TMEM106A: variants seen among roughly 807,000 people sequenced by gnomAD.
The protein encoded by TMEM106A is transmembrane protein 106A.
In TMEM106A, 22 loss-of-function variants were observed where a neutral mutation model predicts 25.1. The observed-to-expected ratio is 0.88, with a 90% confidence interval of 0.63 to 1.25. The LOEUF (loss-of-function observed/expected upper bound fraction) is 1.25, where lower values mean the gene tolerates loss of function less well. Among genes scored for constraint, TMEM106A ranks in the 50% most tolerant of loss-of-function variants. The pLI is 0.00. For synonymous variants in TMEM106A, 104 were observed against 129.9 expected, an observed-to-expected ratio of 0.80 and a Z score of 1.35; for missense variants, 275 against 318.1, an observed-to-expected ratio of 0.86 and a Z score of 1.03.
intron 3 of TMEM106A, among the ~76,000 whole-genome samples, chr17:43,213,608 A>G (rs1326001697): frequency 6.6e-6 from 1 of 152,144 alleles, no homozygotes; most frequent in Non-Finnish European, 1.5e-5. Context: ...GATTCTTCAT[A>G]CCTATTAGTG....
At position 43,217,890 on chromosome 17, in the gene TMEM106A, C is replaced by G; in HGVS notation, c.*89C>G. 5 of 1,579,552 alleles carry G rather than the reference C, an allele frequency of 3.2e-6. No individual in the cohort carries two copies. The South Asian group carries it at 5.9e-5, about 19-fold the overall frequency. On this transcript the variant is annotated 3_prime_UTR_variant, in exon 9 of 9. Transcript: ENST00000612339. Reference sequence around the variant, plus strand: ...GGTGACTAAGGAAGGACTACAGAGGCTTTGCCAAAGGAGAAGCCCTGCCTC... The same window carrying G: ...GGTGACTAAGGAAGGACTACAGAGGGTTTGCCAAAGGAGAAGCCCTGCCTC...
rs553206755 is a variant in TMEM106A at position 43,217,755 on chromosome 17, G to A, written c.743G>A (p.Arg248Gln). 1.6e-5 allele frequency: 26 copies of A among 1,614,042 alleles called. No individual in the cohort carries two copies. The highest frequency in any genetic ancestry group is 1.2e-4 in the African/African-American group (9 of 75,010). The change falls in exon 9 of 9, where the codon CGA (arginine) becomes CAA (glutamine). Residue 248 changes from arginine to glutamine, a missense_variant. Physicochemically the swap from Arg to Gln is conservative, Grantham distance 43. Transcript: ENST00000612339. ...CAGAGCTATGAATATGTGGACTGCC[G>A]AGGAAACGCATCTGTGCCCCACCAG... ...VFQSYEYVDC[R>Q]GNASVPHQLT...
Position 43,217,259 on chromosome 17 carries a change from C to G in TMEM106A, c.615C>G (p.Tyr205Ter). The G allele has an allele frequency of 6.2e-7, 1 of 1,614,216 alleles. No homozygotes were observed. The change falls in exon 8 of 9, where the codon TAC becomes TAG. Residue 205 changes from tyrosine (Y) to a stop codon, truncating the protein, a stop_gained and splice_region_variant. Coordinates refer to ENST00000612339, the MANE Select transcript of TMEM106A (RefSeq NM_145041.4). LOFTEE classifies it high-confidence loss of function. ...VATKIRDENTYKICTWLEIKV... is the reference protein window; with the variant it reads ...VATKIRDENT ...CACGTTCTCTTTTCTTCTCTCTCAGCAAAATCTGTACCTGGCTGGAAATCA... is the reference window on the plus strand; with the variant it reads ...CACGTTCTCTTTTCTTCTCTCTCAGGAAAATCTGTACCTGGCTGGAAATCA...
At chr17:43,216,053 A>G (rs2057482965) in intron 5 of TMEM106A, 112 bp downstream of exon 5, 3 of 1,394,884 alleles carry the variant, frequency 2.2e-6, no homozygotes, top group African/African-American at 1.4e-5. Context: ...TGGCACCCAG[A>G]GGGTGTTGGG....
At chr17:43,217,051 G>T (rs915669050) in intron 7 of TMEM106A, 11 of 643,596 alleles carry the variant, frequency 1.7e-5, no homozygotes, top group South Asian at 1.5e-4. Context: ...ATGTGCCTGG[G>T]CCAAGTGAGT....
intron 7 of TMEM106A, chr17:43,217,000 G>A (rs2057492819): frequency 1.6e-6 from 1 of 623,198 alleles, no homozygotes; most frequent in Admixed American, 2.9e-5. Context: ...CATTGCTGAG[G>A]AAGAAGAATG....
At chr17:43,213,771 A>G in intron 3 of TMEM106A, 57 bp from the exon 4 acceptor site, 2 of 1,567,530 alleles carry the variant, frequency 1.3e-6, no homozygotes, top group Admixed American at 1.7e-5. Context: ...AAGCTGGCAC[A>G]GTAAATATTT....
At chr17:43,214,188 C>CAAAAAAAAAAAAAAAAAGAAA (rs1259805124) in intron 4 of TMEM106A, among the ~76,000 whole-genome samples, 1 of 50,912 alleles carries the variant, frequency 2.0e-5, no homozygotes, top group Non-Finnish European at 4.0e-5. Flanking sequence ...CCATCTCTAT[C>CAAAAAAAAAAAAAAAAAGAAA]AAAAAAAAAA....
At chr17:43,217,423 T>G in intron 8 of TMEM106A, 111 bp downstream of exon 8, 4 of 1,416,942 alleles carry the variant, frequency 2.8e-6, no homozygotes, top group Non-Finnish European at 4.0e-6. Context: ...GAATCTTTGT[T>G]GGCTCTTGGG....
chr17:43,217,179 T>C (rs2057494312), intron 7 of TMEM106A, 80 bp from the exon 8 acceptor site: 5 of 1,444,164 alleles, frequency 3.5e-6, no homozygotes, highest in Non-Finnish European at 4.9e-6. Flanking sequence ...GTAAGGAAAC[T>C]GGGACCTGCA....
intron 5 of TMEM106A, 136 bp downstream of exon 5, chr17:43,216,077 G>A (rs2057483302): frequency 9.0e-7 from 1 of 1,114,256 alleles, no homozygotes; most frequent in South Asian, 1.5e-5. Flanking sequence ...CTGAAGAGAA[G>A]TAGGAGCAAC....
rs1171744040 is a variant in TMEM106A at position 43,214,188 on chromosome 17, CAAAA to C, written c.275+311_275+314del. Among the ~76,000 whole-genome samples the C allele has an allele frequency of 4.7e-3, 241 of 50,940 alleles. 1 individual carries two copies. Among genetic ancestry groups the C allele is most frequent in the Non-Finnish European group, 5.6e-3 (141 of 25,282 alleles). 33.4% of individuals were successfully genotyped at this position (50,940 alleles called of 152,430 possible). A position where few individuals can be genotyped will look rare whatever the true frequency, so the allele number is the denominator to read the frequency against. ...CAACATGGTGAAACCCCATCTCTAT[CAAAA>C]AAAAAAAAAAAAAGAAAAAAAAAAA... On this transcript the variant is annotated intron_variant, in intron 4 of 8. Transcript: ENST00000612339.
intron 5 of TMEM106A, 28 bp downstream of exon 5, chr17:43,215,969 C>A: frequency 6.2e-7 from 1 of 1,613,000 alleles, no homozygotes; most frequent in Middle Eastern, 1.7e-4. Context: ...GCTCCAAACC[C>A]CCCTTCCTAG....
chr17:43,217,829 A>T lies in TMEM106A; in HGVS notation c.*28A>T. On this transcript the variant is annotated 3_prime_UTR_variant, in exon 9 of 9. Coordinates refer to ENST00000612339, the MANE Select transcript of TMEM106A (RefSeq NM_145041.4). ...TGTCTGCTGTCCCTGTACTCCAGGCACCTGCAACCCTGGTCTATATCTCCC... is the reference window on the plus strand; with the variant it reads ...TGTCTGCTGTCCCTGTACTCCAGGCTCCTGCAACCCTGGTCTATATCTCCC... 6.2e-7 allele frequency: 1 copy of T among 1,613,608 alleles called. No homozygotes were observed.
At chr17:43,213,529 C>G (rs1342760500) in intron 3 of TMEM106A, among the ~76,000 whole-genome samples, 1 of 152,212 alleles carries the variant, frequency 6.6e-6, no homozygotes, top group Non-Finnish European at 1.5e-5. Context: ...AGGATTCATT[C>G]AGTTCAGGAA....
intron 7 of TMEM106A, chr17:43,217,049 G>A (rs1164722823): frequency 4.7e-6 from 3 of 641,486 alleles, no homozygotes; most frequent in Non-Finnish European, 8.3e-6. Flanking sequence ...GCATGTGCCT[G>A]GGCCAAGTGA....
intron 4 of TMEM106A, 65 bp downstream of exon 4, chr17:43,213,956 C>T: frequency 6.5e-7 from 1 of 1,541,548 alleles, no homozygotes; most frequent in Non-Finnish European, 9.0e-7. Context: ...CCTTTGTCTC[C>T]CCTGTTTTGA....
chr17:43,217,120 T>A (rs1372460850), intron 7 of TMEM106A, 139 bp from the exon 8 acceptor site: 1 of 842,786 alleles, frequency 1.2e-6, no homozygotes, highest in Non-Finnish European at 2.0e-6. Flanking sequence ...TGGGAAGGGG[T>A]GGGAGTGACA....
rs1598029930 is a variant in TMEM106A, at chr17:43,213,102, T to C, written c.61T>C (p.Ser21Pro). Residue 21 changes from serine (S) to proline (P), a missense_variant, in exon 3 of 9, where the codon TCC becomes CCC. Transcript: ENST00000612339. ...WREDENKSIL[S>P]SKPAIGSKAV... ...GGAGGATGAGAACAAGTCAATCCTG[T>C]CCTCCAAACCAGCCATTGGCAGCAA... The C allele has an allele frequency of 6.2e-7, 1 of 1,614,200 alleles. No individual in the cohort carries two copies. The highest frequency in any genetic ancestry group is 8.5e-7 in the Non-Finnish European group (1 of 1,180,040).
Sources: allele counts gnomAD v4.1 joint callset (sites outside exome capture counted in the v4.1 genomes callset), GRCh38; gene constraint gnomAD v4.1.1; transcripts MANE v1.5; gene names NCBI Gene and HGNC (gene_info 2026-07-23, HGNC 2026-07-21).